The following NR3C2 variants were observed in gnomAD, a reference collection of about 807,000 sequenced individuals.
NR3C2 encodes nuclear receptor subfamily 3 group C member 2.
Under a neutral mutation model 86.4 loss-of-function variants are expected in NR3C2, and 15 were observed. The ratio of observed to expected loss-of-function variants is 0.17; its 90% CI spans 0.12 to 0.27. The LOEUF (loss-of-function observed/expected upper bound fraction) is 0.27. Ranked by LOEUF, NR3C2 falls within the 10% of genes least tolerant of loss-of-function variation. NR3C2 has a pLI of 1.00. For missense variants in NR3C2, 960 were observed against 1,195.6 expected, an observed-to-expected ratio of 0.80 and a Z score of 2.91; for synonymous variants, 458 against 450.5, an observed-to-expected ratio of 1.02 and a Z score of -0.21.
chr4:148,126,492 T>C (rs1732753161), intron 6 of NR3C2, among the ~76,000 whole-genome samples: 1 of 152,322 alleles, frequency 6.6e-6, no homozygotes, highest in South Asian at 2.1e-4. Flanking sequence ...AAACCAGAGA[T>C]AATGTAGGTT....
intron 8 of NR3C2, among the ~76,000 whole-genome samples, chr4:148,099,634 A>G (rs1324759499): frequency 6.6e-6 from 1 of 152,218 alleles, no homozygotes; most frequent in Non-Finnish European, 1.5e-5. Flanking sequence ...GAAGGATTTA[A>G]TGACAGGACT....
At chr4:148,300,533 G>A (rs1055189474) in intron 2 of NR3C2, among the ~76,000 whole-genome samples, 1 of 150,586 alleles carries the variant, frequency 6.6e-6, no homozygotes, top group South Asian at 2.1e-4. Flanking sequence ...TTTTTTTGGA[G>A]AAAGGTTTTT....
intron 2 of NR3C2, among the ~76,000 whole-genome samples, chr4:148,374,125 T>C (rs1389769611): frequency 1.3e-5 from 2 of 152,152 alleles, no homozygotes; most frequent in Non-Finnish European, 2.9e-5. Flanking sequence ...TCACATTCTC[T>C]CTATGAATGA....
intron 6 of NR3C2, among the ~76,000 whole-genome samples, chr4:148,151,037 G>A (rs1257605366): frequency 1.3e-5 from 2 of 152,142 alleles, no homozygotes; most frequent in Non-Finnish European, 2.9e-5. Context: ...TGGGTTTAGA[G>A]TTTGTTTGGG....
At chr4:148,083,179 G>A (rs920732729) in intron 8 of NR3C2, among the ~76,000 whole-genome samples, 4 of 152,204 alleles carry the variant, frequency 2.6e-5, no homozygotes, top group Non-Finnish European at 5.9e-5. Flanking sequence ...CCTGCCTGCC[G>A]GCTCTGAAGA....
intron 2 of NR3C2, among the ~76,000 whole-genome samples, chr4:148,309,864 T>C (rs559564498): frequency 3.3e-5 from 5 of 152,172 alleles, no homozygotes; most frequent in African/African-American, 9.6e-5. Context: ...ATAAATTTCA[T>C]AGAATGTGTT....
intron 2 of NR3C2, among the ~76,000 whole-genome samples, chr4:148,302,861 A>T (rs1742411652): frequency 1.3e-5 from 2 of 151,880 alleles, no homozygotes; most frequent in South Asian, 4.1e-4. Context: ...AAAAAAAAAA[A>T]AAAAAAAGTT....
rs189787770 is a variant in NR3C2 at position 148,361,936 on chromosome 4, C to T, written c.1757+73168G>A. Among the ~76,000 whole-genome samples, 528 of 152,302 alleles carry T rather than the reference C, an allele frequency of 3.5e-3. 2 individuals carry two copies. The highest frequency in any genetic ancestry group is 5.8e-3 in the Non-Finnish European group (394 of 68,016). ...TACTGCAACCTCTGCCTCCCAGGTT[C>T]AAGCAATTCTCCCGCCTCAGCCTCC... On this transcript the variant is annotated intron_variant, in intron 2 of 8. Transcript: ENST00000358102.
In NR3C2 at chr4:148,369,592, G is replaced by A. The variant is rs560470967; in HGVS notation, c.1757+65512C>T. Among the ~76,000 whole-genome samples the A allele has an allele frequency of 5.9e-4, 90 of 152,288 alleles. 1 individual carries two copies. The highest frequency in any genetic ancestry group is 2.0e-3 in the Admixed American group (31 of 15,290). ...CTTAAATACTTCTTTAGCACTTTGA[G>A]TATAATCACTATGCTGTTTCTCTTA... On this transcript the variant is annotated intron_variant, in intron 2 of 8. Transcript: ENST00000358102.
intron 2 of NR3C2, among the ~76,000 whole-genome samples, chr4:148,378,061 G>A (rs1746767776): frequency 1.3e-5 from 2 of 152,148 alleles, no homozygotes; most frequent in South Asian, 4.2e-4. Context: ...GTTCCACTCC[G>A]ATTAATCACT....
At chr4:148,275,307 T>C (rs190344499) in intron 2 of NR3C2, among the ~76,000 whole-genome samples, 1 of 152,270 alleles carries the variant, frequency 6.6e-6, no homozygotes, top group East Asian at 1.9e-4. Flanking sequence ...GGTAAGAAAA[T>C]CTGTTGAGGT....
intron 6 of NR3C2, among the ~76,000 whole-genome samples, chr4:148,137,567 G>A (rs77992417): frequency 0.032 from 4,855 of 152,238 alleles, 274 homozygotes; most frequent in African/African-American, 0.11. Context: ...TATAGATTAA[G>A]TCTTTCTTGA....
chr4:148,104,759 A>G (rs1731718068), intron 8 of NR3C2, among the ~76,000 whole-genome samples: 1 of 152,198 alleles, frequency 6.6e-6, no homozygotes, highest in South Asian at 2.1e-4. Flanking sequence ...CAAACTTCCT[A>G]CAAGATGGGT....
intron 1 of NR3C2, 53 bp downstream of exon 1, chr4:148,442,107 G>A (rs1028371999): frequency 2.0e-5 from 3 of 152,540 alleles, no homozygotes; most frequent in Non-Finnish European, 4.4e-5. Flanking sequence ...CTCCCGCGCC[G>A]CGGCCGCACG....
At chr4:148,169,776 C>T (rs369874736) in intron 4 of NR3C2, among the ~76,000 whole-genome samples, 2 of 152,206 alleles carry the variant, frequency 1.3e-5, no homozygotes. Context: ...TCCTTATAAT[C>T]GCCTCAGGGC....
At chr4:148,267,379 G>A (rs539271404) in intron 2 of NR3C2, among the ~76,000 whole-genome samples, 21 of 151,342 alleles carry the variant, frequency 1.4e-4, no homozygotes, top group Non-Finnish European at 2.7e-4. Flanking sequence ...TCAGCTTCCC[G>A]AGGAGCTGGG....
intron 2 of NR3C2, among the ~76,000 whole-genome samples, chr4:148,337,029 A>G (rs1744526669): frequency 1.3e-5 from 2 of 152,206 alleles, no homozygotes; most frequent in Admixed American, 1.3e-4. Context: ...TCCTAGGCTC[A>G]AGTGATCCTC....
intron 2 of NR3C2, among the ~76,000 whole-genome samples, chr4:148,342,300 G>C (rs756559762): frequency 6.6e-6 from 1 of 152,052 alleles, no homozygotes; most frequent in Non-Finnish European, 1.5e-5. Context: ...CAGAATCACG[G>C]CCCTATGTTC....
intron 4 of NR3C2, among the ~76,000 whole-genome samples, chr4:148,171,151 C>T (rs1203911425): frequency 6.6e-6 from 1 of 152,236 alleles, no homozygotes; most frequent in Non-Finnish European, 1.5e-5. Context: ...TGTGTTGCTG[C>T]TACTGGTCCC....
Sources: gnomAD v4.1 joint callset for allele counts (sites outside exome capture counted in the v4.1 genomes callset) on GRCh38, gnomAD v4.1.1 for gene constraint, MANE v1.5 for transcripts, NCBI Gene and HGNC (gene_info 2026-07-23, HGNC 2026-07-21) for gene names.